The following RASAL2 variants were observed in gnomAD, a reference collection of about 807,000 sequenced individuals.
RASAL2 encodes the protein RAS protein activator like 2, also known as ras GTPase-activating protein nGAP.
RASAL2 carries 58 observed loss-of-function variants against 128.9 expected under a neutral mutation model. The observed-to-expected ratio is 0.45, with a 90% CI of 0.36 to 0.56. The LOEUF (loss-of-function observed/expected upper bound fraction) is 0.56. Ranked by LOEUF, RASAL2 falls within the 20% of genes least tolerant of loss-of-function variation. The pLI is 0.00. For synonymous variants in RASAL2, 561 were observed against 580.8 expected (o/e 0.97, Z 0.49); for missense variants, 1,360 against 1,601.6 (o/e 0.85, Z 2.57).
rs376237546 is a variant in RASAL2 at position 178,287,900 on chromosome 1, G to T, written c.330+4209G>T. Among the ~76,000 whole-genome samples, 4 of 152,056 alleles carry T rather than the reference G, an allele frequency of 2.6e-5. No homozygotes were observed. In the East Asian group the frequency reaches 7.7e-4, roughly 29 times the overall value. On this transcript the variant is annotated intron_variant, in intron 2 of 17. Coordinates refer to ENST00000367649, the MANE Select transcript of RASAL2 (RefSeq NM_170692.4). ...ACCATGCACACTGCTCAGATAATGA[G>T]TGAACCAAAATCTCAGAAATCACCA...
rs374301003 is a variant in RASAL2, at chr1:178,457,696, C to G, written c.2404C>G (p.Leu802Val). Residue 802 changes from leucine to valine, a missense_variant, in exon 14 of 18, where the codon CTA becomes GTA. Around this residue, in one of 3 missense-constraint regions of RASAL2, gnomAD observed 741 missense variants for 868.6 expected, o/e 0.85. Transcript: ENST00000367649. ...EDPTDSDLHK[L>V]KSPSQDNTDS... ...CCTTTTCCACAGTGATTTGCATAAA[C>G]TAAAATCTCCAAGCCAGGACAACAC... The G allele has an allele frequency of 6.2e-7, 1 of 1,613,058 alleles. No individual in the cohort carries two copies. Among genetic ancestry groups the G allele is most frequent in the Non-Finnish European group, 8.5e-7 (1 of 1,179,402 alleles).
intron 1 of RASAL2, among the ~76,000 whole-genome samples, chr1:178,188,622 TA>T (rs1662390488): frequency 6.6e-6 from 1 of 152,164 alleles, no homozygotes; most frequent in African/African-American, 2.4e-5. Context: ...GCAGATTATT[TA>T]AAGTATTTCC....
Position 178,454,591 on chromosome 1 carries a change from C to T in RASAL2, c.2154C>T (p.Gly718=), listed in dbSNP as rs1185130232. The change falls in exon 12 of 18, where the codon GGC becomes GGT. Residue 718 remains glycine, a synonymous_variant. Transcript: ENST00000367649. The part of the protein sequence containing the change: ...TPGFDGYIDL[G]RELSVLHSLL... ...GCTTTGATGGTTACATTGATCTGGG[C>T]CGAGAGCTTTCAGTTTTGCATTCCT... 1.2e-6 allele frequency: 2 copies of T among 1,613,828 alleles called. No homozygotes were observed. The highest frequency in any genetic ancestry group is 2.2e-5 in the East Asian group (1 of 44,856).
At chr1:178,219,402 C>T (rs1014134162) in intron 1 of RASAL2, among the ~76,000 whole-genome samples, 1 of 151,986 alleles carries the variant, frequency 6.6e-6, no homozygotes, top group African/African-American at 2.4e-5. Context: ...AATCCCAGCA[C>T]TTTGGGAGGC....
intron 1 of RASAL2, among the ~76,000 whole-genome samples, chr1:178,117,272 G>T (rs939493562): frequency 2.6e-5 from 4 of 152,034 alleles, no homozygotes; most frequent in African/African-American, 9.7e-5. Flanking sequence ...TAGCTTTTGG[G>T]GCTAGCATCT....
chr1:178,138,667 T>G (rs1215901867), intron 1 of RASAL2, among the ~76,000 whole-genome samples: 1 of 152,156 alleles, frequency 6.6e-6, no homozygotes, highest in East Asian at 1.9e-4. Context: ...GATACATGTT[T>G]GTGATTGCTG....
At chr1:178,365,672 C>T (rs2102495276) in intron 3 of RASAL2, among the ~76,000 whole-genome samples, 1 of 152,104 alleles carries the variant, frequency 6.6e-6, no homozygotes, top group East Asian at 1.9e-4. Flanking sequence ...GGGTTTTCAC[C>T]ATGTTGGCCA....
intron 5 of RASAL2, among the ~76,000 whole-genome samples, chr1:178,427,125 G>A (rs1319720543): frequency 6.6e-6 from 1 of 152,120 alleles, no homozygotes; most frequent in African/African-American, 2.4e-5. Flanking sequence ...CCAGTAAAGC[G>A]ATTTCCTAGA....
At position 178,329,074 on chromosome 1, in the gene RASAL2, G is replaced by A. The variant is rs375093790; in HGVS notation, c.457+28956G>A. Among the ~76,000 whole-genome samples the A allele has an allele frequency of 2.0e-4, 30 of 152,246 alleles. No individual in the cohort carries two copies. In the East Asian group the frequency reaches 4.8e-3, roughly 25 times the overall value. On this transcript the variant is annotated intron_variant, in intron 3 of 17. Coordinates refer to ENST00000367649, the MANE Select transcript of RASAL2 (RefSeq NM_170692.4). ...ACACTGTTCTGGCCTGTTGAACAAA[G>A]CATTCAAAAATAGCCGGCAGTACAG... is the stretch of plus-strand genomic sequence containing the variant.
At chr1:178,152,328 G>C (rs1027006020) in intron 1 of RASAL2, among the ~76,000 whole-genome samples, 1 of 152,132 alleles carries the variant, frequency 6.6e-6, no homozygotes, top group Non-Finnish European at 1.5e-5. Context: ...CTTGCCCTAC[G>C]CATCTCTTTC....
At position 178,439,506 on chromosome 1, in the gene RASAL2, T is replaced by C; in HGVS notation, c.759T>C (p.Leu253=). The stretch of plus-strand genomic sequence containing the variant: ...GCAGCACAGTGGAATGTCTGGATCT[T>C]GGTAGAGGGGAACCTGTATCAGTGA... ...SPCSTVECLD[L]GRGEPVSVKP... The change falls in exon 6 of 18, where the codon CTT becomes CTC. Residue 253 remains leucine, a synonymous_variant. Transcript: ENST00000367649. 6.2e-7 allele frequency: 1 copy of C among 1,613,012 alleles called. No homozygotes were observed. The highest frequency in any genetic ancestry group is 8.5e-7 in the Non-Finnish European group (1 of 1,179,272).
chr1:178,451,336 T>A (rs1475334479), intron 9 of RASAL2, among the ~76,000 whole-genome samples: 1 of 152,184 alleles, frequency 6.6e-6, no homozygotes, highest in East Asian at 1.9e-4. Context: ...GATGATGATG[T>A]TAGTGATTGC....
rs117526801 is a variant in RASAL2 at position 178,261,065 on chromosome 1, C to T, written c.203-22499C>T. On this transcript the variant is annotated intron_variant, in intron 1 of 17. Transcript: ENST00000367649. ...GGAGGTCATTCTATTCATACAGCTC[C>T]GAGCTCCTTGCTGCTGCCATCATTA... Among the ~76,000 whole-genome samples, 96 of 152,232 alleles carry T rather than the reference C, an allele frequency of 6.3e-4. No individual in the cohort carries two copies. The East Asian group carries it at 9.6e-3, about 15-fold the overall frequency.
chr1:178,197,468 G>A (rs965559542), intron 1 of RASAL2, among the ~76,000 whole-genome samples: 2 of 151,732 alleles, frequency 1.3e-5, no homozygotes, highest in Non-Finnish European at 2.9e-5. Flanking sequence ...AAAAAACCAG[G>A]CGTGGTGGTG....
chr1:178,321,368 G>C (rs956250912), intron 3 of RASAL2, among the ~76,000 whole-genome samples: 1 of 152,084 alleles, frequency 6.6e-6, no homozygotes, highest in Non-Finnish European at 1.5e-5. Flanking sequence ...TTACAGGCGT[G>C]AGCCACCGCG....
At chr1:178,114,197 G>A (rs1287067032) in intron 1 of RASAL2, among the ~76,000 whole-genome samples, 5 of 151,888 alleles carry the variant, frequency 3.3e-5, no homozygotes, top group African/African-American at 1.2e-4. Flanking sequence ...GATTACATTG[G>A]CTAGAACTTC....
intron 1 of RASAL2, among the ~76,000 whole-genome samples, chr1:178,190,106 A>G (rs368415009): frequency 7.0e-6 from 1 of 142,306 alleles, no homozygotes; most frequent in African/African-American, 3.1e-5. Context: ...CACCTTCCGC[A>G]GAAAGAATTA....
In RASAL2 at chr1:178,162,396, T is replaced by A. The variant is rs1201759109; in HGVS notation, c.202+67702T>A. ...ATATATATTTATATATTATATATAT[T>A]ATATATTTTATATATTATATATAAT... On this transcript the variant is annotated intron_variant, in intron 1 of 17. Coordinates refer to ENST00000367649, the MANE Select transcript of RASAL2 (RefSeq NM_170692.4). 1.1e-4 allele frequency among the ~76,000 whole-genome samples: 13 copies of A among 115,638 alleles called. 1 individual carries two copies. Among genetic ancestry groups the A allele is most frequent in the Admixed American group, 4.6e-4 (4 of 8,778 alleles). The allele number at this position is 115,638 out of a possible 152,430, so 75.9% of individuals were successfully genotyped here. A position where few individuals can be genotyped will look rare whatever the true frequency, so the allele number is the denominator to read the frequency against.
At chr1:178,275,309 T>C (rs903533292) in intron 1 of RASAL2, among the ~76,000 whole-genome samples, 1 of 152,224 alleles carries the variant, frequency 6.6e-6, no homozygotes, top group Non-Finnish European at 1.5e-5. Flanking sequence ...AGCTCCCAAG[T>C]AGCTGGGACT....
Sources: gnomAD v4.1 joint callset for allele counts (sites outside exome capture counted in the v4.1 genomes callset) on GRCh38, gnomAD v4.1.1 for gene constraint, gnomAD v4.1.1 regional missense constraint, MANE v1.5 for transcripts, NCBI Gene and HGNC (gene_info 2026-07-23, HGNC 2026-07-21) for gene names.